COG1: variants seen among roughly 807,000 people sequenced by gnomAD.
COG1 encodes the protein component of oligomeric golgi complex 1.
A neutral mutation model predicts 102.2 loss-of-function variants in COG1; 61 were observed. The observed-to-expected ratio is 0.60, with a 90% CI of 0.49 to 0.74. COG1 has a LOEUF of 0.74. Ranked by LOEUF, COG1 falls within the 30% of genes least tolerant of loss-of-function variation. The probability of loss-of-function intolerance (pLI) is 0.00; values close to 1 mark genes in which losing one functional copy is unlikely to be tolerated. For synonymous variants in COG1, 454 were observed against 493.6 expected (o/e 0.92, Z 1.06); for missense variants, 1,164 against 1,232.1 (o/e 0.94, Z 0.83).
In COG1 at chr17:73,194,817, G is replaced by A. The variant is rs893571764; in HGVS notation, c.315+1433G>A. 2.0e-5 allele frequency among the ~76,000 whole-genome samples: 3 copies of A among 152,188 alleles called. No individual in the cohort carries two copies. The East Asian group carries it at 5.8e-4, about 29-fold the overall frequency. On this transcript the variant is annotated intron_variant, in intron 1 of 13. Transcript: ENST00000299886. ...AACGAAGTGAAAGGGCATGAAGGGT[G>A]AAAAAGGTAAACAGTTAGTTGTTTT... is the stretch of plus-strand genomic sequence containing the variant.
chr17:73,200,035 A>G lies in COG1; in HGVS notation c.1070+14A>G. 6.2e-7 allele frequency: 1 copy of G among 1,607,172 alleles called. No homozygotes were observed. The highest frequency in any genetic ancestry group is 8.5e-7 in the Non-Finnish European group (1 of 1,176,396). The stretch of plus-strand genomic sequence containing the variant: ...ATGGATCCACATGTAAGTAACCAGA[A>G]AGAGCTTCCCTGCAGCTGGCAGGAG... On this transcript the variant is annotated intron_variant, in intron 5 of 13. Transcript: ENST00000299886.
rs2061366770 is a variant in COG1, at chr17:73,205,630, G to T, written c.2460G>T (p.Leu820=). The change falls in exon 10 of 14, where the codon CTG becomes CTT. Residue 820 remains leucine, a synonymous_variant. Coordinates refer to ENST00000299886, the MANE Select transcript of COG1 (RefSeq NM_018714.3). ...LYDLRYLNIV[L]TAKGDEVKSG... Reference sequence around the variant, plus strand: ...ATCTGCGTTACCTCAACATTGTTCTGACAGCCAAGGGTGACGAGGTGAAGA... The same window carrying T: ...ATCTGCGTTACCTCAACATTGTTCTTACAGCCAAGGGTGACGAGGTGAAGA... The T allele has an allele frequency of 1.2e-6, 2 of 1,614,140 alleles. No individual in the cohort carries two copies. The highest frequency in any genetic ancestry group is 8.5e-7 in the Non-Finnish European group (1 of 1,180,028).
chr17:73,200,022 G>A lies in COG1; in HGVS notation c.1070+1G>A. 1 of 1,610,534 alleles carries A rather than the reference G, an allele frequency of 6.2e-7. No homozygotes were observed. Among genetic ancestry groups the A allele is most frequent in the Non-Finnish European group, 8.5e-7 (1 of 1,178,264 alleles). ...ACACGCTGCAGAAATGGATCCACATGTAAGTAACCAGAAAGAGCTTCCCTG... is the reference window on the plus strand; with the variant it reads ...ACACGCTGCAGAAATGGATCCACATATAAGTAACCAGAAAGAGCTTCCCTG... On this transcript the variant is annotated splice_donor_variant, in intron 5 of 13. Transcript: ENST00000299886. LOFTEE classifies it high-confidence loss of function.
intron 5 of COG1, 122 bp from the exon 6 acceptor site, chr17:73,200,444 C>G: frequency 1.0e-6 from 1 of 956,676 alleles, no homozygotes; most frequent in Non-Finnish European, 1.7e-6. Flanking sequence ...CACTGAGACA[C>G]ATAGATATTT....
In COG1 at chr17:73,200,769, G is replaced by C. The variant is rs150638922; in HGVS notation, c.1274G>C (p.Arg425Pro). 6.2e-7 allele frequency: 1 copy of C among 1,613,708 alleles called. No individual in the cohort carries two copies. Among genetic ancestry groups the C allele is most frequent in the Non-Finnish European group, 8.5e-7 (1 of 1,179,740 alleles). Reference protein sequence around the residue: ...EDMMQQLFLDRLQTLTKEGFD... With the variant: ...EDMMQQLFLDPLQTLTKEGFD... ...ATGATGCAGCAACTGTTCCTTGACC[G>C]ATTACAGGTGAGCTGGACAGTCACA... is the stretch of plus-strand genomic sequence containing the variant. The change falls in exon 6 of 14, where the codon CGA becomes CCA. Residue 425 changes from arginine (R) to proline (P), a missense_variant. Physicochemically the swap from Arg to Pro is moderately radical, Grantham distance 103. Transcript: ENST00000299886.
At chr17:73,198,679 G>C (rs1599325051) in intron 4 of COG1, among the ~76,000 whole-genome samples, 1 of 152,212 alleles carries the variant, frequency 6.6e-6, no homozygotes, top group East Asian at 1.9e-4. Context: ...GCCCAGAACA[G>C]ATCGCTGGGA....
At chr17:73,206,624 G>T in intron 11 of COG1, 84 bp from the exon 12 acceptor site, 1 of 869,762 alleles carries the variant, frequency 1.1e-6, no homozygotes, top group Non-Finnish European at 1.9e-6. Flanking sequence ...ATACGGTAGC[G>T]ATGGGTGACT....
chr17:73,194,441 C>CAAA (rs572388712), intron 1 of COG1, among the ~76,000 whole-genome samples: 6 of 54,958 alleles, frequency 1.1e-4, no homozygotes, highest in East Asian at 4.8e-4. Context: ...GACTCTGTCT[C>CAAA]AAAAAAAAAA....
chr17:73,194,150 G>T (rs1233204319), intron 1 of COG1, among the ~76,000 whole-genome samples: 1 of 149,190 alleles, frequency 6.7e-6, no homozygotes, highest in African/African-American at 2.4e-5. Flanking sequence ...CGTTCCTAAA[G>T]AATTTTTATT....
At chr17:73,202,090 C>T (rs761661742) in intron 7 of COG1, among the ~76,000 whole-genome samples, 190 bp downstream of exon 7, 2 of 152,150 alleles carry the variant, frequency 1.3e-5, no homozygotes, top group Non-Finnish European at 2.9e-5. Flanking sequence ...GTAATCCCAG[C>T]ACTTTGGGAG....
In COG1 at chr17:73,206,240, A is replaced by G. The variant is rs555212855; in HGVS notation, c.2597A>G (p.His866Arg). 8.1e-6 allele frequency: 13 copies of G among 1,614,056 alleles called. No individual in the cohort carries two copies. The South Asian group carries it at 1.3e-4, about 16-fold the overall frequency. Reference protein sequence around the residue: ...VFTPHLNSNLHRLVQRTSVLF... With the variant: ...VFTPHLNSNLRRLVQRTSVLF... ...ACGCCACACCTCAACAGCAACCTTC[A>G]TCGCCTGGTGCAGCGAACTTCTGTG... is the stretch of plus-strand genomic sequence containing the variant. The change falls in exon 11 of 14, where the codon CAT becomes CGT. Residue 866 changes from histidine (H) to arginine (R), a missense_variant. Physicochemically the swap from His to Arg is conservative, Grantham distance 29. Transcript: ENST00000299886.
Position 73,204,917 on chromosome 17 carries a change from C to A in COG1, c.2383-636C>A, listed in dbSNP as rs991162014. On this transcript the variant is annotated intron_variant, in intron 9 of 13. Transcript: ENST00000299886. Reference sequence around the variant, plus strand: ...ATGGCTGACACCTGTAATCCCAGTACTTTGGGAGGCCAAGGCGGGTGGATC... The same window carrying A: ...ATGGCTGACACCTGTAATCCCAGTAATTTGGGAGGCCAAGGCGGGTGGATC... 1.3e-5 allele frequency among the ~76,000 whole-genome samples: 2 copies of A among 151,818 alleles called. 1 individual carries two copies.
intron 7 of COG1, 101 bp from the exon 8 acceptor site, chr17:73,202,899 C>T (rs2061352866): frequency 1.3e-5 from 17 of 1,299,772 alleles, no homozygotes; most frequent in Admixed American, 1.7e-5. Context: ...GTACCTACAA[C>T]TTCAGCAGCT....
chr17:73,206,689 T>A lies in COG1; in HGVS notation c.2620-19T>A, dbSNP rs1374677503. On this transcript the variant is annotated intron_variant, in intron 11 of 13. Coordinates refer to ENST00000299886, the MANE Select transcript of COG1 (RefSeq NM_018714.3). ...TTTACCTGCACAATGAAACCTCTGC[T>A]CCACCTCTTGTCTGCCAGGTTCTGT... 6 of 1,449,366 alleles carry A rather than the reference T, an allele frequency of 4.1e-6. No individual in the cohort carries two copies. Among genetic ancestry groups the A allele is most frequent in the East Asian group, 2.3e-5 (1 of 43,750 alleles). The allele number at this position is 1,449,366 out of a possible 1,614,324, so 89.8% of individuals were successfully genotyped here.
Position 73,208,437 on chromosome 17 carries a change from A to G in COG1, c.2929A>G (p.Ser977Gly), listed in dbSNP as rs757086937. The G allele has an allele frequency of 1.6e-5, 26 of 1,614,058 alleles. No homozygotes were observed. The highest frequency in any genetic ancestry group is 4.0e-5 in the African/African-American group (3 of 74,950). The change falls in exon 14 of 14, where the codon AGT becomes GGT. Residue 977 changes from serine to glycine, a missense_variant. Ser to Gly is a moderately conservative substitution (Grantham distance 56). Transcript: ENST00000299886. ...ATTATTCAAACTTGGCTGGCTCTCTAGTATGACTAAGTAACATGGCAACAC... is the reference window on the plus strand; with the variant it reads ...ATTATTCAAACTTGGCTGGCTCTCTGGTATGACTAAGTAACATGGCAACAC... ...PSLFKLGWLS[S>G]MTK is the part of the protein sequence containing the mutation.
intron 13 of COG1, chr17:73,208,016 T>C: frequency 1.5e-6 from 2 of 1,313,616 alleles, no homozygotes; most frequent in Non-Finnish European, 2.0e-6. Flanking sequence ...CAGTTTCCAC[T>C]GCAGTGATCT....
At position 73,206,274 on chromosome 17, in the gene COG1, CA is replaced by C; in HGVS notation, c.2619+17del. Reference sequence around the variant, plus strand: ...TGCAGCGAACTTCTGTGAGTCAAATCAAAAACATGCTTAGTGCGAACGAAGC... The same window carrying C: ...TGCAGCGAACTTCTGTGAGTCAAATCAAAACATGCTTAGTGCGAACGAAGC... On this transcript the variant is annotated intron_variant, in intron 11 of 13. Coordinates refer to ENST00000299886, the MANE Select transcript of COG1 (RefSeq NM_018714.3). The C allele has an allele frequency of 1.2e-6, 2 of 1,603,042 alleles. No individual in the cohort carries two copies. Among genetic ancestry groups the C allele is most frequent in the Non-Finnish European group, 1.7e-6 (2 of 1,169,886 alleles).
chr17:73,201,775 AG>A lies in COG1; in HGVS notation c.1949del (p.Arg650LysfsTer6). The A allele has an allele frequency of 6.2e-7, 1 of 1,614,198 alleles. No homozygotes were observed. Among genetic ancestry groups the A allele is most frequent in the Non-Finnish European group, 8.5e-7 (1 of 1,180,032 alleles). ...EKPAREFRAL[R>X]KQGKVKTQEI... The stretch of plus-strand genomic sequence containing the variant: ...ACCAGCAAGGGAGTTTAGGGCTCTG[AG>A]AAAACAGGGAAAGGTGAAAACTCAG... On this transcript the variant is annotated frameshift_variant, in exon 7 of 14. Transcript: ENST00000299886. LOFTEE classifies it high-confidence loss of function.
chr17:73,206,053 G>T, intron 10 of COG1, 101 bp from the exon 11 acceptor site: 1 of 997,580 alleles, frequency 1.0e-6, no homozygotes, highest in South Asian at 1.3e-5. Flanking sequence ...CAACTAAGTA[G>T]AATAAAACCC....
Sources: gnomAD v4.1 joint callset for allele counts (sites outside exome capture counted in the v4.1 genomes callset) on GRCh38, gnomAD v4.1.1 for gene constraint, MANE v1.5 for transcripts, NCBI Gene and HGNC (gene_info 2026-07-23, HGNC 2026-07-21) for gene names.